The following HCRTR1 variants were observed in gnomAD, a reference collection of about 807,000 sequenced individuals.
HCRTR1 encodes hypocretin receptor 1, also known as orexin/Hypocretin receptor type 1.
A neutral mutation model predicts 40.6 loss-of-function variants in HCRTR1; 28 were observed. The ratio of observed to expected loss-of-function variants is 0.69; its 90% CI spans 0.51 to 0.95. The LOEUF is 0.95. HCRTR1 is among the 40% of genes least tolerant of loss of function. The pLI, the probability that HCRTR1 is intolerant of heterozygous loss-of-function variation, is 0.00. For missense variants in HCRTR1, 482 were observed against 564.7 expected (o/e 0.85, Z 1.48); for synonymous variants, 209 against 230.0 (o/e 0.91, Z 0.83).
In HCRTR1 at chr1:31,623,528, C is replaced by T. The variant is rs371204021; in HGVS notation, c.744C>T (p.Pro248=). ...TCTCTATGTGTGCTGGACAGATCCC[C>T]GGCACCACCTCAGCACTGGTGCGGA... ...IFRKLWGRQI[P]GTTSALVRNW... is the part of the protein sequence containing the mutation. The change falls in exon 7 of 9, where the codon CCC becomes CCT. Residue 248 remains proline, a synonymous_variant. Coordinates refer to ENST00000403528, the MANE Select transcript of HCRTR1 (RefSeq NM_001525.3). 1.6e-5 allele frequency: 26 copies of T among 1,611,438 alleles called. No individual in the cohort carries two copies. The Middle Eastern group carries it at 5.0e-4, about 31-fold the overall frequency.
downstream of HCRTR1, among the ~76,000 whole-genome samples, chr1:31,633,968 ACAAAAAAACC>A (rs1437401287): frequency 1.3e-5 from 2 of 151,846 alleles, no homozygotes; most frequent in Admixed American, 6.6e-5. Flanking sequence ...AAAAAAAAAA[ACAAAAAAACC>A]CAAAAAAAAC....
In HCRTR1 at chr1:31,619,217, G is replaced by T; in HGVS notation, c.25G>T (p.Ala9Ser). The T allele has an allele frequency of 6.2e-7, 1 of 1,612,586 alleles. No individual in the cohort carries two copies. Among genetic ancestry groups the T allele is most frequent in the Non-Finnish European group, 8.5e-7 (1 of 1,179,988 alleles). Residue 9 changes from alanine to serine, a missense_variant, in exon 3 of 9, where the codon GCC becomes TCC. Transcript: ENST00000403528. ...CATGGAGCCCTCAGCCACCCCAGGG[G>T]CCCAGATGGGGGTCCCCCCTGGCAG... MEPSATPG[A>S]QMGVPPGSRE...
At chr1:31,624,267 C>T (rs528972710) in intron 7 of HCRTR1, among the ~76,000 whole-genome samples, 66 of 151,992 alleles carry the variant, frequency 4.3e-4, no homozygotes, top group Non-Finnish European at 8.1e-4. Context: ...AAGATCAGCC[C>T]GGGCAACATA....
chr1:31,633,135 C>A, downstream of HCRTR1: 1 of 1,603,932 alleles, frequency 6.2e-7, no homozygotes, highest in Non-Finnish European at 8.5e-7. Context: ...CCAGCTCAGG[C>A]CCAAGGGCAA....
chr1:31,625,506 G>C lies in HCRTR1; in HGVS notation c.1087+388G>C, dbSNP rs1025345586. 2.0e-5 allele frequency among the ~76,000 whole-genome samples: 3 copies of C among 152,348 alleles called. No individual in the cohort carries two copies. Among genetic ancestry groups the C allele is most frequent in the South Asian group, 4.1e-4 (2 of 4,828 alleles). On this transcript the variant is annotated intron_variant, in intron 8 of 8. Transcript: ENST00000403528. This position sits in a 1 kb window ranked among gnomAD's most constrained non-coding sequence, Gnocchi z 4.2. ...GTGGGAGGAGGGCCCTGGAGCCCCT[G>C]CCCGAGGAAGGATTGCACAGTCCAG... is the stretch of plus-strand genomic sequence containing the variant.
intron 5 of HCRTR1, 77 bp from the exon 6 acceptor site, chr1:31,621,400 G>A: frequency 9.0e-7 from 1 of 1,113,208 alleles, no homozygotes; most frequent in Non-Finnish European, 1.4e-6. Context: ...CCGTAGTCAG[G>A]ACAGGGTGGC....
chr1:31,633,505 T>G (rs755384399), downstream of HCRTR1, among the ~76,000 whole-genome samples: 13 of 152,248 alleles, frequency 8.5e-5, no homozygotes, highest in Non-Finnish European at 1.6e-4. Context: ...GCAGTTGATT[T>G]CTATTCCATG....
intron 5 of HCRTR1, 22 bp downstream of exon 5, chr1:31,621,108 A>G: frequency 6.3e-7 from 1 of 1,592,480 alleles, no homozygotes; most frequent in South Asian, 1.1e-5. Context: ...AGCCTCAAGC[A>G]GGCATCCCCT....
downstream of HCRTR1, chr1:31,630,888 G>T: frequency 6.9e-7 from 1 of 1,454,808 alleles, no homozygotes; most frequent in South Asian, 1.2e-5. Flanking sequence ...AACCTGCCAT[G>T]AGCACCTCCA....
downstream of HCRTR1, among the ~76,000 whole-genome samples, chr1:31,631,457 A>G (rs958737000): frequency 3.9e-5 from 6 of 152,174 alleles, no homozygotes; most frequent in East Asian, 1.2e-3. Context: ...CTGTCTCTTC[A>G]CTGGGATGCT....
chr1:31,630,866 C>G, downstream of HCRTR1: 2 of 1,570,076 alleles, frequency 1.3e-6, no homozygotes, highest in Non-Finnish European at 1.7e-6. Flanking sequence ...GCACACAGAC[C>G]AGACACACAA....
chr1:31,633,918 G>A (rs1259404087), downstream of HCRTR1, among the ~76,000 whole-genome samples: 1 of 150,496 alleles, frequency 6.6e-6, no homozygotes, highest in Admixed American at 6.6e-5. Flanking sequence ...TCACGCCATT[G>A]CACTCCAGCC....
downstream of HCRTR1, chr1:31,632,493 A>G: frequency 6.2e-7 from 1 of 1,614,130 alleles, no homozygotes; most frequent in Non-Finnish European, 8.5e-7. Flanking sequence ...CATGACCCGC[A>G]CCTTGCTGCA....
chr1:31,630,209 G>A (rs1395017617), downstream of HCRTR1: 4 of 245,362 alleles, frequency 1.6e-5, no homozygotes, highest in South Asian at 2.3e-4. Context: ...AAATGGGCTC[G>A]TTTGACAGGA....
downstream of HCRTR1, among the ~76,000 whole-genome samples, chr1:31,628,702 C>G (rs1044594250): frequency 6.6e-6 from 1 of 152,228 alleles, no homozygotes; most frequent in Non-Finnish European, 1.5e-5. Flanking sequence ...TGGCTGAACC[C>G]AGCACCATGG....
downstream of HCRTR1, among the ~76,000 whole-genome samples, chr1:31,628,006 C>T (rs1270018803): frequency 1.3e-5 from 2 of 152,078 alleles, no homozygotes; most frequent in Non-Finnish European, 2.9e-5. Context: ...AAGCCACAGA[C>T]TTGGCCAGAC....
chr1:31,632,316 G>T, downstream of HCRTR1: 1 of 1,087,138 alleles, frequency 9.2e-7, no homozygotes, highest in Non-Finnish European at 1.4e-6. Flanking sequence ...CCTGGCTCTT[G>T]GCTCAGTGCC....
At chr1:31,620,187 G>T (rs879592920) in intron 4 of HCRTR1, among the ~76,000 whole-genome samples, 1 of 152,212 alleles carries the variant, frequency 6.6e-6, no homozygotes, top group Non-Finnish European at 1.5e-5. Flanking sequence ...TGGAAGGAAG[G>T]CTTCTCTCAG....
downstream of HCRTR1, chr1:31,632,572 A>G: frequency 6.2e-7 from 1 of 1,614,214 alleles, no homozygotes; most frequent in Non-Finnish European, 8.5e-7. Context: ...CCACTGCTGG[A>G]TGAATTTCCA....
Sources: gnomAD v4.1 joint callset for allele counts (sites outside exome capture counted in the v4.1 genomes callset) on GRCh38, gnomAD v4.1.1 for gene constraint, Gnocchi (gnomAD v3.1) non-coding constraint, MANE v1.5 for transcripts, NCBI Gene and HGNC (gene_info 2026-07-23, HGNC 2026-07-21) for gene names.